Variants in GPR141 observed in about 807,000 individuals in gnomAD.
The protein encoded by GPR141 is G protein-coupled receptor 141.
Under a neutral mutation model 6.8 loss-of-function variants are expected in GPR141, and 6 were observed. The observed-to-expected ratio is 0.88, with a 90% confidence interval of 0.48 to 1.74. The LOEUF is 1.74. Among genes scored for constraint, GPR141 ranks in the 40% most tolerant of loss-of-function variants. The probability of loss-of-function intolerance (pLI) is 0.01; values close to 1 mark genes in which losing one functional copy is unlikely to be tolerated. For missense variants in GPR141, 372 were observed against 372.9 expected, an observed-to-expected ratio of 1.00 and a Z score of 0.02; for synonymous variants, 140 against 142.3, an observed-to-expected ratio of 0.98 and a Z score of 0.11.
chr7:37,721,573 G>T (rs1446289134), intron 2 of GPR141, among the ~76,000 whole-genome samples: 1 of 152,166 alleles, frequency 6.6e-6, no homozygotes, highest in East Asian at 1.9e-4. Flanking sequence ...ATAGATGTTG[G>T]TTACTTCTAC....
chr7:37,735,686 T>A (rs2718036), intron 2 of GPR141, among the ~76,000 whole-genome samples: 32,311 of 151,868 alleles, frequency 0.21, 4,179 homozygotes, highest in Non-Finnish European at 0.29. Context: ...ACTAGACATA[T>A]CAAAGGAAAA....
In GPR141 at chr7:37,743,680, G is replaced by T. The variant is rs1812678443; in HGVS notation, c.*2369G>T. ...AGGCAATTCAAAAGAATTAATCTCT[G>T]TATTAATCTGTTATAATGTTAACAT... On this transcript the variant is annotated 3_prime_UTR_variant, in exon 3 of 3. Coordinates refer to ENST00000334425, the MANE Select transcript of GPR141 (RefSeq NM_001381946.1). Among the ~76,000 whole-genome samples the T allele has an allele frequency of 6.6e-6, 1 of 151,884 alleles. No individual in the cohort carries two copies. Among genetic ancestry groups the T allele is most frequent in the Non-Finnish European group, 1.5e-5 (1 of 67,968 alleles).
At position 37,728,088 on chromosome 7, in the gene GPR141, A is replaced by G. The variant is rs553706845; in HGVS notation, c.-14-12292A>G. Among the ~76,000 whole-genome samples, 64 of 152,252 alleles carry G rather than the reference A, an allele frequency of 4.2e-4. 3 individuals carry two copies. The South Asian group carries it at 0.013, about 31-fold the overall frequency. On this transcript the variant is annotated intron_variant, in intron 2 of 2. Transcript: ENST00000334425. ...CTCTCTACATCTAGAACTTCAATGC[A>G]CCCTTCAAGATCCAGTAACTGCTAC...
Position 37,696,549 on chromosome 7 carries a change from G to A in GPR141, c.-15+10966G>A, listed in dbSNP as rs538229751. Among the ~76,000 whole-genome samples the A allele has an allele frequency of 4.6e-5, 7 of 151,312 alleles. No homozygotes were observed. In the East Asian group the frequency reaches 7.7e-4, roughly 17 times the overall value. On this transcript the variant is annotated intron_variant, in intron 2 of 2. Transcript: ENST00000334425. ...TCAACCACCTCATTTTCCTCAGCGCGACTTGTTATTCAGCCCAGCACAAGG... is the reference window on the plus strand; with the variant it reads ...TCAACCACCTCATTTTCCTCAGCGCAACTTGTTATTCAGCCCAGCACAAGG...
At position 37,706,848 on chromosome 7, in the gene GPR141, T is replaced by G. The variant is rs899133646; in HGVS notation, c.-15+21265T>G. 3.3e-5 allele frequency among the ~76,000 whole-genome samples: 5 copies of G among 152,330 alleles called. No individual in the cohort carries two copies. The South Asian group carries it at 8.3e-4, about 25-fold the overall frequency. Reference sequence around the variant, plus strand: ...TTCTTTTCATATAAATCGTAATGATTGACCAGAGACCCTTGCAAATAGCCT... The same window carrying G: ...TTCTTTTCATATAAATCGTAATGATGGACCAGAGACCCTTGCAAATAGCCT... On this transcript the variant is annotated intron_variant, in intron 2 of 2. Transcript: ENST00000334425.
At chr7:37,725,264 G>A (rs968645328) in intron 2 of GPR141, among the ~76,000 whole-genome samples, 1 of 152,176 alleles carries the variant, frequency 6.6e-6, no homozygotes, top group East Asian at 1.9e-4. Flanking sequence ...CTGGTTCCTT[G>A]TATTGAGTGG....
intron 2 of GPR141, among the ~76,000 whole-genome samples, chr7:37,727,028 T>C (rs1267255961): frequency 6.6e-6 from 1 of 152,200 alleles, no homozygotes; most frequent in Non-Finnish European, 1.5e-5. Context: ...AAGGAAGAAG[T>C]TTTTGTGTAT....
At chr7:37,721,481 C>G (rs1811324373) in intron 2 of GPR141, among the ~76,000 whole-genome samples, 1 of 152,164 alleles carries the variant, frequency 6.6e-6, no homozygotes, top group South Asian at 2.1e-4. Context: ...ACAGATTGGC[C>G]TGGTTAATGT....
At chr7:37,703,537 T>C (rs1304382164) in intron 2 of GPR141, among the ~76,000 whole-genome samples, 2 of 152,220 alleles carry the variant, frequency 1.3e-5, no homozygotes, top group Non-Finnish European at 2.9e-5. Context: ...TTTTCATTTT[T>C]CTTACAGGAA....
chr7:37,699,753 G>A (rs907964324), intron 2 of GPR141, among the ~76,000 whole-genome samples: 1 of 152,200 alleles, frequency 6.6e-6, no homozygotes, highest in African/African-American at 2.4e-5. Context: ...CTTTGAATAA[G>A]TAAATATGTG....
chr7:37,743,796 C>G lies in GPR141; in HGVS notation c.*2485C>G, dbSNP rs889385266. ...TGCAATATTTCATAATATAAAATAT[C>G]TTTTTCATCAGTATTTATGGAATAA... On this transcript the variant is annotated 3_prime_UTR_variant, in exon 3 of 3. Transcript: ENST00000334425. Among the ~76,000 whole-genome samples, 18 of 151,928 alleles carry G rather than the reference C, an allele frequency of 1.2e-4. No homozygotes were observed. The highest frequency in any genetic ancestry group is 4.4e-4 in the African/African-American group (18 of 41,362).
chr7:37,713,912 A>T (rs940773264), intron 2 of GPR141, among the ~76,000 whole-genome samples: 1 of 152,246 alleles, frequency 6.6e-6, no homozygotes, highest in Non-Finnish European at 1.5e-5. Flanking sequence ...CCCATTATGT[A>T]AACAAAACTG....
At chr7:37,689,256 A>G (rs1809652507) in intron 2 of GPR141, among the ~76,000 whole-genome samples, 1 of 152,064 alleles carries the variant, frequency 6.6e-6, no homozygotes, top group South Asian at 2.1e-4. Context: ...GGTCATGGTG[A>G]ATAATCTTTT....
At chr7:37,690,181 G>C (rs1809692344) in intron 2 of GPR141, among the ~76,000 whole-genome samples, 1 of 151,788 alleles carries the variant, frequency 6.6e-6, no homozygotes, top group Non-Finnish European at 1.5e-5. Flanking sequence ...TTTTTTGTTT[G>C]TTTGTTTTTG....
chr7:37,713,801 A>G (rs1810919341), intron 2 of GPR141, among the ~76,000 whole-genome samples: 1 of 151,224 alleles, frequency 6.6e-6, no homozygotes, highest in Non-Finnish European at 1.5e-5. Flanking sequence ...GTTGCCACAT[A>G]TTGAGAACCT....
Position 37,740,937 on chromosome 7 carries a change from A to G in GPR141, c.544A>G (p.Asn182Asp), listed in dbSNP as rs1812519856. The G allele has an allele frequency of 1.2e-6, 2 of 1,614,072 alleles. No individual in the cohort carries two copies. Among genetic ancestry groups the G allele is most frequent in the African/African-American group, 2.7e-5 (2 of 75,054 alleles). Residue 182 changes from asparagine to aspartate, a missense_variant, in exon 3 of 3, where the codon AAC (asparagine) becomes GAC (aspartate). Physicochemically the swap from Asn to Asp is conservative, Grantham distance 23 (BLOSUM62 1). Transcript: ENST00000334425. The part of the protein sequence containing the change: ...ELAYTYVKII[N>D]YMIVIFVIAV... ...TGCTTACACATATGTGAAAATCATC[A>G]ACTATATGATAGTCATTTTTGTCAT... is the stretch of plus-strand genomic sequence containing the variant.
At chr7:37,687,003 G>C (rs1809541372) in intron 2 of GPR141, among the ~76,000 whole-genome samples, 1 of 152,052 alleles carries the variant, frequency 6.6e-6, no homozygotes, top group Non-Finnish European at 1.5e-5. Context: ...GTATCAGCTG[G>C]AACATCATGC....
intron 2 of GPR141, among the ~76,000 whole-genome samples, chr7:37,700,146 CA>C (rs1363630527): frequency 6.6e-6 from 1 of 152,202 alleles, no homozygotes; most frequent in Non-Finnish European, 1.5e-5. Context: ...TCAATTTTTA[CA>C]AATTATTCAA....
Position 37,683,816 on chromosome 7 carries a change from C to G in GPR141, c.-226C>G, listed in dbSNP as rs540629645. 14 of 152,364 alleles carry G rather than the reference C, an allele frequency of 9.2e-5. No individual in the cohort carries two copies. Among genetic ancestry groups the G allele is most frequent in the African/African-American group, 3.1e-4 (13 of 41,572 alleles). 9.4% of individuals were successfully genotyped at this position (152,364 alleles called of 1,614,324 possible). ...CATGCAGAGCATGGAAATGACCCAG[C>G]TGCCCTGCTGTTGAAACAGAATCCT... On this transcript the variant is annotated 5_prime_UTR_variant, in exon 1 of 3. Coordinates refer to ENST00000334425, the MANE Select transcript of GPR141 (RefSeq NM_001381946.1).
Sources: gnomAD v4.1 joint callset for allele counts (sites outside exome capture counted in the v4.1 genomes callset) on GRCh38, gnomAD v4.1.1 for gene constraint, MANE v1.5 for transcripts, NCBI Gene and HGNC (gene_info 2026-07-23, HGNC 2026-07-21) for gene names.